GRIK2: variants seen among roughly 807,000 people sequenced by gnomAD.
GRIK2 encodes the protein glutamate ionotropic receptor kainate type subunit 2.
A neutral mutation model predicts 100.3 loss-of-function variants in GRIK2; 32 were observed. The observed-to-expected ratio is 0.32, with a 90% CI of 0.24 to 0.43. GRIK2 has a LOEUF of 0.43. Ranked by LOEUF, GRIK2 falls within the 20% of genes least tolerant of loss-of-function variation. The probability of loss-of-function intolerance (pLI) is 1.00; values close to 1 mark genes in which losing one functional copy is unlikely to be tolerated. For missense variants in GRIK2, 843 were observed against 1,114.9 expected, an observed-to-expected ratio of 0.76 and a Z score of 3.47; for synonymous variants, 417 against 389.4, an observed-to-expected ratio of 1.07 and a Z score of -0.83.
intron 7 of GRIK2, among the ~76,000 whole-genome samples, chr6:101,712,220 C>T (rs1051044011): frequency 1.3e-5 from 2 of 151,786 alleles, no homozygotes; most frequent in Non-Finnish European, 2.9e-5. Flanking sequence ...TGACTGCTAT[C>T]TTTTAGAACC....
chr6:101,467,258 A>G (rs1771696105), intron 2 of GRIK2, among the ~76,000 whole-genome samples: 1 of 152,226 alleles, frequency 6.6e-6, no homozygotes, highest in Admixed American at 6.5e-5. Flanking sequence ...GAATAAGAGA[A>G]AAAGCCAAGA....
chr6:101,674,673 A>G lies in GRIK2; in HGVS notation c.542-1950A>G, dbSNP rs1434557997. On this transcript the variant is annotated intron_variant, in intron 4 of 16. Coordinates refer to ENST00000369134, the MANE Select transcript of GRIK2 (RefSeq NM_021956.5). ...AGTATGTTTAATGGATGCATTTAAT[A>G]TCAATTTTTATGTAGTATTTATTTA... is the stretch of plus-strand genomic sequence containing the variant. Among the ~76,000 whole-genome samples the G allele has an allele frequency of 2.0e-5, 3 of 152,190 alleles. No homozygotes were observed. In the East Asian group the frequency reaches 5.8e-4, roughly 29 times the overall value.
intron 7 of GRIK2, among the ~76,000 whole-genome samples, chr6:101,689,259 CTT>C (rs890103261): frequency 1.1e-4 from 16 of 152,112 alleles, no homozygotes; most frequent in African/African-American, 3.6e-4. Flanking sequence ...TTATGTATCT[CTT>C]TTTCTTTTTA....
chr6:101,580,479 C>CT (rs568645911), intron 2 of GRIK2, among the ~76,000 whole-genome samples: 28 of 152,284 alleles, frequency 1.8e-4, no homozygotes, highest in Admixed American at 7.9e-4. Context: ...CCTTCCTACT[C>CT]TAAGCCACTA....
At chr6:102,014,244 A>G (rs1250516328) in intron 14 of GRIK2, among the ~76,000 whole-genome samples, 1 of 88,550 alleles carries the variant, frequency 1.1e-5, no homozygotes, top group Non-Finnish European at 2.8e-5. Context: ...GGTGTTCATA[A>G]TAGTCTTTGA....
chr6:101,919,710 G>A (rs1178809033), intron 12 of GRIK2, among the ~76,000 whole-genome samples: 1 of 151,708 alleles, frequency 6.6e-6, no homozygotes, highest in Non-Finnish European at 1.5e-5. Flanking sequence ...TCTGTTAGTG[G>A]GGCAGAGAGT....
chr6:101,492,650 C>A (rs1370251903), intron 2 of GRIK2, among the ~76,000 whole-genome samples: 1 of 151,854 alleles, frequency 6.6e-6, no homozygotes, highest in Non-Finnish European at 1.5e-5. Context: ...CTTCCCCAGA[C>A]CTGGAATTAG....
At chr6:101,776,191 A>C (rs1778735237) in intron 7 of GRIK2, among the ~76,000 whole-genome samples, 1 of 152,206 alleles carries the variant, frequency 6.6e-6, no homozygotes. Context: ...ACAACAAAGA[A>C]AAGACCATAA....
chr6:101,797,375 G>A (rs74646706), intron 7 of GRIK2, among the ~76,000 whole-genome samples: 6,930 of 151,702 alleles, frequency 0.046, 189 homozygotes, highest in Non-Finnish European at 0.058. Context: ...GAACAGGGAG[G>A]GTGGGCTTCC....
intron 7 of GRIK2, among the ~76,000 whole-genome samples, chr6:101,715,071 A>C (rs1418287057): frequency 2.0e-5 from 3 of 151,294 alleles, no homozygotes; most frequent in South Asian, 4.2e-4. Flanking sequence ...AAATACCACA[A>C]AAAAAAATAT....
At chr6:101,735,300 A>G (rs1402392593) in intron 7 of GRIK2, among the ~76,000 whole-genome samples, 2 of 152,150 alleles carry the variant, frequency 1.3e-5, no homozygotes, top group African/African-American at 2.4e-5. Context: ...GGTACCATCA[A>G]CTTTTTTTTG....
intron 2 of GRIK2, among the ~76,000 whole-genome samples, chr6:101,427,660 T>C (rs1382591282): frequency 6.6e-6 from 1 of 152,222 alleles, no homozygotes; most frequent in African/African-American, 2.4e-5. Flanking sequence ...ATTTGAATTA[T>C]GGCAATACTT....
intron 2 of GRIK2, among the ~76,000 whole-genome samples, chr6:101,469,829 T>C (rs115573688): frequency 6.6e-6 from 1 of 152,180 alleles, no homozygotes; most frequent in African/African-American, 2.4e-5. Flanking sequence ...GTGATACAGA[T>C]GTTGGGGATT....
At chr6:101,645,541 A>C (rs1781487392) in intron 4 of GRIK2, among the ~76,000 whole-genome samples, 1 of 151,982 alleles carries the variant, frequency 6.6e-6, no homozygotes, top group Admixed American at 6.6e-5. Flanking sequence ...GCTTATCAAA[A>C]TTTTAAAATA....
intron 2 of GRIK2, among the ~76,000 whole-genome samples, chr6:101,577,098 G>A (rs1777823854): frequency 6.6e-6 from 1 of 151,632 alleles, no homozygotes; most frequent in African/African-American, 2.4e-5. Context: ...TCAAGTAATA[G>A]ACTAATGATT....
chr6:101,492,635 T>C (rs1271847194), intron 2 of GRIK2, among the ~76,000 whole-genome samples: 1 of 151,966 alleles, frequency 6.6e-6, no homozygotes, highest in Non-Finnish European at 1.5e-5. Context: ...AAACTTGTAC[T>C]TTTCCTTCCC....
intron 7 of GRIK2, among the ~76,000 whole-genome samples, chr6:101,749,958 G>A (rs1776683717): frequency 2.6e-5 from 4 of 151,796 alleles, no homozygotes; most frequent in Admixed American, 2.6e-4. Context: ...GATTACAGAT[G>A]TTCGCCACCA....
intron 2 of GRIK2, among the ~76,000 whole-genome samples, chr6:101,452,800 A>T (rs1770784074): frequency 6.6e-6 from 1 of 151,900 alleles, no homozygotes; most frequent in Non-Finnish European, 1.5e-5. Flanking sequence ...AAAGTACACC[A>T]AAATGGGTTA....
intron 10 of GRIK2, among the ~76,000 whole-genome samples, chr6:101,822,749 T>C (rs2128424107): frequency 6.6e-6 from 1 of 151,832 alleles, no homozygotes; most frequent in African/African-American, 2.4e-5. Context: ...ATATTTTTTC[T>C]TTTTTTTAGG....
Sources: allele counts gnomAD v4.1 joint callset (sites outside exome capture counted in the v4.1 genomes callset), GRCh38; gene constraint gnomAD v4.1.1; transcripts MANE v1.5; gene names NCBI Gene and HGNC (gene_info 2026-07-23, HGNC 2026-07-21).